The following ADGRE2 variants were observed in gnomAD, a reference collection of about 807,000 sequenced individuals.
ADGRE2 encodes CD97 antigen.
A neutral mutation model predicts 100.8 loss-of-function variants in ADGRE2; 83 were observed. The ratio of observed to expected loss-of-function variants is 0.82; its 90% CI spans 0.69 to 0.99. The LOEUF (loss-of-function observed/expected upper bound fraction) is 0.99. ADGRE2 is among the 50% of genes least tolerant of loss of function. ADGRE2 has a pLI of 0.00. For missense variants in ADGRE2, 814 were observed against 1,035.7 expected (o/e 0.79, Z 2.94); for synonymous variants, 355 against 413.0 (o/e 0.86, Z 1.70).
At chr19:14,730,455 CCTCT>C (rs144858304), downstream of ADGRE2, among the ~76,000 whole-genome samples, 1 of 89,356 alleles carries the variant, frequency 1.1e-5, no homozygotes, top group Admixed American at 1.0e-4. Flanking sequence ...TTCCTCCCTT[CCTCT>C]CTTTCTTTCA....
chr19:14,765,418 G>C (rs749466362), intron 9 of ADGRE2, 21 bp from the exon 10 acceptor site: 9 of 1,614,170 alleles, frequency 5.6e-6, no homozygotes, highest in African/African-American at 1.3e-5. Context: ...AGGAGATGTG[G>C]GGGTCAGAGA....
intron 18 of ADGRE2, 89 bp from the exon 19 acceptor site, chr19:14,743,873 C>G: frequency 8.4e-7 from 1 of 1,184,264 alleles, no homozygotes; most frequent in South Asian, 1.4e-5. Context: ...CCCCTGCCCT[C>G]CCCTGTAGAT....
downstream of ADGRE2, among the ~76,000 whole-genome samples, chr19:14,729,775 C>T (rs866453884): frequency 1.3e-5 from 2 of 152,272 alleles, no homozygotes; most frequent in Middle Eastern, 3.4e-3. Flanking sequence ...AAATTGTTCT[C>T]ACCACCAAAT....
chr19:14,766,173 G>A lies in ADGRE2; in HGVS notation c.634+62C>T, dbSNP rs570285782. Reference sequence around the variant, plus strand: ...CTCATTCTGCTTGGTTTGTGTGGGCGCCGTTGAACATGTGATCAGATGTTT... The same window carrying A: ...CTCATTCTGCTTGGTTTGTGTGGGCACCGTTGAACATGTGATCAGATGTTT... On this transcript the variant is annotated intron_variant, in intron 7 of 20. Coordinates refer to ENST00000315576, the MANE Select transcript of ADGRE2 (RefSeq NM_013447.4). The A allele has an allele frequency of 9.6e-5, 154 of 1,611,778 alleles. No individual in the cohort carries two copies. In the African/African-American group the frequency reaches 1.6e-3, roughly 16 times the overall value.
Position 14,769,216 on chromosome 19 carries a change from A to ACC in ADGRE2, c.356-2109_356-2108dup, listed in dbSNP as rs34106120. 3.4e-4 allele frequency among the ~76,000 whole-genome samples: 51 copies of ACC among 149,806 alleles called. No homozygotes were observed. The South Asian group carries it at 4.5e-3, about 13-fold the overall frequency. ...ACCAGCCTGGACAACATGGTGAGAC[A>ACC]CCCCCCCCCCATCTTTACTAATAAA... On this transcript the variant is annotated intron_variant, in intron 5 of 20. Coordinates refer to ENST00000315576, the MANE Select transcript of ADGRE2 (RefSeq NM_013447.4).
intron 1 of ADGRE2, 76 bp from the exon 2 acceptor site, chr19:14,777,003 CA>C: frequency 7.3e-7 from 1 of 1,373,604 alleles, no homozygotes; most frequent in Non-Finnish European, 9.4e-7. Context: ...CACACACACA[CA>C]CACACACACA....
At chr19:14,776,982 A>ACACACACACACG (rs2044469411) in intron 1 of ADGRE2, 55 bp from the exon 2 acceptor site, 1 of 952,950 alleles carries the variant, frequency 1.0e-6, no homozygotes, top group African/African-American at 1.7e-5. Flanking sequence ...CGCTGCACAC[A>ACACACACACACG]CACACACACA....
chr19:14,744,880 T>C (rs2043039692), intron 18 of ADGRE2, among the ~76,000 whole-genome samples: 1 of 149,664 alleles, frequency 6.7e-6, no homozygotes, highest in Non-Finnish European at 1.5e-5. Context: ...GGCAAGAAAA[T>C]GTACGTGTTC....
At position 14,755,724 on chromosome 19, in the gene ADGRE2, A is replaced by C; in HGVS notation, c.1346T>G (p.Ile449Ser). The change falls in exon 13 of 21, where the codon ATC (isoleucine) becomes AGC (serine). Residue 449 changes from isoleucine to serine, a missense_variant. Physicochemically the swap from Ile to Ser is moderately radical, Grantham distance 142. Around this residue, in one of 5 missense-constraint regions of ADGRE2, gnomAD observed 569 missense variants for 692.7 expected, o/e 0.82. Transcript: ENST00000315576. Reference sequence around the variant, plus strand: ...GTCGTTGTTGCTCAGAAAGGCAGAGATCACATCTGAGAGCAGGATGGGGGA... The same window carrying C: ...GTCGTTGTTGCTCAGAAAGGCAGAGCTCACATCTGAGAGCAGGATGGGGGA... ...DGSPILLSDVISAFLSNNDTQ... is the reference protein window; with the variant it reads ...DGSPILLSDVSSAFLSNNDTQ... The C allele has an allele frequency of 6.2e-7, 1 of 1,614,164 alleles. No homozygotes were observed. The highest frequency in any genetic ancestry group is 8.5e-7 in the Non-Finnish European group (1 of 1,180,026).
intron 13 of ADGRE2, 139 bp downstream of exon 13, chr19:14,755,515 C>T: frequency 1.3e-6 from 1 of 765,402 alleles, no homozygotes; most frequent in South Asian, 1.7e-5. Flanking sequence ...TTACCCAAAG[C>T]CGGCTTGGGA....
At chr19:14,730,339 A>C (rs906283810), downstream of ADGRE2, among the ~76,000 whole-genome samples, 3 of 150,032 alleles carry the variant, frequency 2.0e-5, no homozygotes, top group Non-Finnish European at 4.5e-5. Flanking sequence ...ACAGGTGTGA[A>C]CCACCGTGCC....
Position 14,765,885 on chromosome 19 carries a change from C to T in ADGRE2, c.635-81G>A. The T allele has an allele frequency of 2.5e-6, 4 of 1,611,508 alleles. No homozygotes were observed. The South Asian group carries it at 3.3e-5, about 13-fold the overall frequency. On this transcript the variant is annotated intron_variant, in intron 7 of 20. Transcript: ENST00000315576. ...TCCTGTCTGTGCCCCCAGCTCGTTC[C>T]TCCCGGCATTAGTGCCCCCCTTGGA...
At chr19:14,727,453 GCACAT>G (rs2147044206), downstream of ADGRE2, among the ~76,000 whole-genome samples, 1 of 152,298 alleles carries the variant, frequency 6.6e-6, no homozygotes, top group Admixed American at 6.5e-5. Flanking sequence ...GCGGGAGCAG[GCACAT>G]CACATAGTGA....
At chr19:14,768,141 G>A (rs963832125) in intron 5 of ADGRE2, among the ~76,000 whole-genome samples, 4 of 152,218 alleles carry the variant, frequency 2.6e-5, no homozygotes, top group Non-Finnish European at 5.9e-5. Context: ...AATCCCGGTG[G>A]CCCTAGCAGG....
At chr19:14,770,976 G>A (rs577367791) in intron 5 of ADGRE2, among the ~76,000 whole-genome samples, 103 of 152,200 alleles carry the variant, frequency 6.8e-4, no homozygotes, top group African/African-American at 2.3e-3. Flanking sequence ...CACTGTGCCT[G>A]GCCCGGAGAG....
At chr19:14,749,716 A>T (rs1202724374) in intron 16 of ADGRE2, among the ~76,000 whole-genome samples, 9 of 133,646 alleles carry the variant, frequency 6.7e-5, no homozygotes, top group African/African-American at 2.5e-4. Flanking sequence ...ATAATTATTT[A>T]TAGCTATGTT....
In ADGRE2 at chr19:14,734,496, G is replaced by A. The variant is rs2042714845; in HGVS notation, c.*1740C>T. 1 of 152,222 alleles carries A rather than the reference G, an allele frequency of 6.6e-6. No homozygotes were observed. The highest frequency in any genetic ancestry group is 2.4e-5 in the African/African-American group (1 of 41,440). The allele number at this position is 152,222 out of a possible 1,614,324, so 9.4% of individuals were successfully genotyped here. Reference sequence around the variant, plus strand: ...TGTTTGTGCCATTGTACTCCAGCATGGGTGACAAAGCAAGACCCTGCCTCA... The same window carrying A: ...TGTTTGTGCCATTGTACTCCAGCATAGGTGACAAAGCAAGACCCTGCCTCA... On this transcript the variant is annotated 3_prime_UTR_variant, in exon 21 of 21. Transcript: ENST00000315576.
chr19:14,747,647 A>G (rs1308658694), intron 16 of ADGRE2, among the ~76,000 whole-genome samples: 3 of 152,198 alleles, frequency 2.0e-5, no homozygotes, highest in African/African-American at 7.2e-5. Context: ...TCTACTAAAA[A>G]CACACAAAAA....
chr19:14,772,348 A>C lies in ADGRE2; in HGVS notation c.349T>G (p.Cys117Gly), dbSNP rs2044241166. The C allele has an allele frequency of 6.2e-7, 1 of 1,613,942 alleles. No homozygotes were observed. The highest frequency in any genetic ancestry group is 1.1e-5 in the South Asian group (1 of 91,082). ...KTFKNESENT[C>G]QDVDECQQNP... ...GATGTGGGGTGGTTCTTACCTTGACACGTGTTCTCGCTCTCATTCTTGAAT... is the reference window on the plus strand; with the variant it reads ...GATGTGGGGTGGTTCTTACCTTGACCCGTGTTCTCGCTCTCATTCTTGAAT... Residue 117 changes from cysteine (C) to glycine (G), a missense_variant, in exon 5 of 21, where the codon TGT becomes GGT. Transcript: ENST00000315576.
Sources: gnomAD v4.1 joint callset for allele counts (sites outside exome capture counted in the v4.1 genomes callset) on GRCh38, gnomAD v4.1.1 for gene constraint, gnomAD v4.1.1 regional missense constraint, MANE v1.5 for transcripts, NCBI Gene and HGNC (gene_info 2026-07-23, HGNC 2026-07-21) for gene names.